The following TMEM45B variants were observed in gnomAD, a reference collection of about 807,000 sequenced individuals.
TMEM45B encodes the protein transmembrane protein 45B.
Under a neutral mutation model 27.3 loss-of-function variants are expected in TMEM45B, and 29 were observed. That is an observed-to-expected ratio of 1.06 (90% CI 0.79 to 1.45). The LOEUF (loss-of-function observed/expected upper bound fraction) is 1.45, where lower values mean the gene tolerates loss of function less well. Ranked by LOEUF, TMEM45B falls within the 40% of genes most tolerant of loss-of-function variation. TMEM45B has a pLI of 0.00. For missense variants in TMEM45B, 348 were observed against 343.9 expected (o/e 1.01, Z -0.09); for synonymous variants, 143 against 134.7 (o/e 1.06, Z -0.43).
chr11:129,829,965 G>A (rs750446050), intron 1 of TMEM45B, among the ~76,000 whole-genome samples: 5 of 152,188 alleles, frequency 3.3e-5, no homozygotes, highest in Non-Finnish European at 7.3e-5. Flanking sequence ...AAATGGCTGG[G>A]ACACTTGGAT....
chr11:129,830,065 TCA>T (rs1366528852), intron 1 of TMEM45B, among the ~76,000 whole-genome samples: 2 of 152,260 alleles, frequency 1.3e-5, no homozygotes, highest in Non-Finnish European at 2.9e-5. Context: ...GTGCAGTGGT[TCA>T]CACCTGTAAT....
chr11:129,845,279 G>C (rs1399641595), intron 1 of TMEM45B, among the ~76,000 whole-genome samples: 1 of 145,630 alleles, frequency 6.9e-6, no homozygotes, highest in Non-Finnish European at 1.5e-5. Flanking sequence ...GTATGTGTGT[G>C]TGTGTGTGTG....
rs1048088149 is a variant in TMEM45B, at chr11:129,859,251, G to T, written c.*566G>T. The T allele has an allele frequency of 6.6e-6, 1 of 152,042 alleles. No homozygotes were observed. Among genetic ancestry groups the T allele is most frequent in the East Asian group, 1.9e-4 (1 of 5,198 alleles). The allele number at this position is 152,042 out of a possible 1,614,324, so 9.4% of individuals were successfully genotyped here. ...ACATATCATAACTAATCATACCAGG[G>T]TACTGCAATACCACTGTTTATAAGT... On this transcript the variant is annotated 3_prime_UTR_variant, in exon 6 of 6. Transcript: ENST00000281441.
At chr11:129,845,337 A>ATTGTGTGTG (rs1555071917) in intron 1 of TMEM45B, among the ~76,000 whole-genome samples, 1 of 121,462 alleles carries the variant, frequency 8.2e-6, no homozygotes, top group African/African-American at 3.4e-5. Context: ...GCTATTATAG[A>ATTGTGTGTG]TGTGTGTGTG....
chr11:129,857,229 C>T (rs1947941706), intron 4 of TMEM45B, 84 bp from the exon 5 acceptor site: 1 of 1,534,678 alleles, frequency 6.5e-7, no homozygotes, highest in East Asian at 2.3e-5. Context: ...CACACATGGG[C>T]CACTTCGGTG....
At chr11:129,841,035 G>C (rs1947685463) in intron 1 of TMEM45B, among the ~76,000 whole-genome samples, 1 of 149,630 alleles carries the variant, frequency 6.7e-6, no homozygotes, top group Non-Finnish European at 1.5e-5. Context: ...AGCATTTCAG[G>C]GAACTGGAAA....
intron 1 of TMEM45B, among the ~76,000 whole-genome samples, chr11:129,817,698 G>A (rs571752285): frequency 1.3e-3 from 200 of 152,178 alleles, no homozygotes; most frequent in Middle Eastern, 0.01. Context: ...GTTGATGTTG[G>A]TTGTGATGGT....
intron 1 of TMEM45B, among the ~76,000 whole-genome samples, chr11:129,837,585 C>CCTTTTTT (rs1947636610): frequency 1.2e-5 from 1 of 80,294 alleles, no homozygotes; most frequent in African/African-American, 4.3e-5. Flanking sequence ...CTGCACTGGG[C>CCTTTTTT]TTTTTTTTTT....
chr11:129,835,229 T>G (rs1305657198), intron 1 of TMEM45B, among the ~76,000 whole-genome samples: 3 of 152,206 alleles, frequency 2.0e-5, no homozygotes, highest in Non-Finnish European at 2.9e-5. Context: ...CTACAAAAAG[T>G]GTGAAAGCAC....
intron 1 of TMEM45B, among the ~76,000 whole-genome samples, chr11:129,850,841 G>A (rs1457338029): frequency 1.3e-5 from 2 of 152,028 alleles, no homozygotes; most frequent in South Asian, 2.1e-4. Context: ...TTAGTGCTCC[G>A]TTCATGGCAA....
At position 129,859,257 on chromosome 11, in the gene TMEM45B, C is replaced by CAA. The variant is rs957092326; in HGVS notation, c.*573_*574dup. 6.6e-6 allele frequency: 1 copy of CAA among 152,088 alleles called. No homozygotes were observed. The highest frequency in any genetic ancestry group is 2.4e-5 in the African/African-American group (1 of 41,412). The allele number at this position is 152,088 out of a possible 1,614,324, so 9.4% of individuals were successfully genotyped here. A position where few individuals can be genotyped will look rare whatever the true frequency, so the allele number is the denominator to read the frequency against. On this transcript the variant is annotated 3_prime_UTR_variant, in exon 6 of 6. Transcript: ENST00000281441. ...CATAACTAATCATACCAGGGTACTG[C>CAA]AATACCACTGTTTATAAGTGACAAA...
At position 129,823,536 on chromosome 11, in the gene TMEM45B, G is replaced by C. The variant is rs182034398; in HGVS notation, c.-9+7638G>C. On this transcript the variant is annotated intron_variant, in intron 1 of 5. Transcript: ENST00000281441. Reference sequence around the variant, plus strand: ...TATGCATAACAGGTACTTGATAAATGTTAGTTGACTTAAATTGACCCTATT... The same window carrying C: ...TATGCATAACAGGTACTTGATAAATCTTAGTTGACTTAAATTGACCCTATT... 3.3e-3 allele frequency among the ~76,000 whole-genome samples: 510 copies of C among 152,310 alleles called. 5 individuals carry two copies. The highest frequency in any genetic ancestry group is 0.012 in the African/African-American group (482 of 41,554).
chr11:129,852,441 T>C (rs1012703912), intron 1 of TMEM45B, 34 bp from the exon 2 acceptor site: 1 of 1,554,094 alleles, frequency 6.4e-7, no homozygotes, highest in African/African-American at 1.4e-5. Flanking sequence ...GCTTGCTTCA[T>C]TAGCCACCTA....
At chr11:129,835,787 G>A (rs1162831669) in intron 1 of TMEM45B, among the ~76,000 whole-genome samples, 1 of 152,206 alleles carries the variant, frequency 6.6e-6, no homozygotes, top group Non-Finnish European at 1.5e-5. Flanking sequence ...TGTGGACCCA[G>A]ACAACAGAAC....
intron 1 of TMEM45B, among the ~76,000 whole-genome samples, chr11:129,848,396 C>G (rs2248097): frequency 0.72 from 106,988 of 148,746 alleles, 37,755 homozygotes; most frequent in African/African-American, 0.78. Flanking sequence ...GCCTGCAATC[C>G]CAGGCACTCG....
chr11:129,827,551 C>T (rs1591436231), intron 1 of TMEM45B, among the ~76,000 whole-genome samples: 1 of 152,266 alleles, frequency 6.6e-6, no homozygotes, highest in African/African-American at 2.4e-5. Context: ...CACCTATAAT[C>T]CCAGCACTTT....
chr11:129,837,220 T>C (rs939706934), intron 1 of TMEM45B, among the ~76,000 whole-genome samples: 1 of 152,032 alleles, frequency 6.6e-6, no homozygotes, highest in Non-Finnish European at 1.5e-5. Context: ...CAGCCCGGGC[T>C]GGTCTCTACC....
intron 1 of TMEM45B, among the ~76,000 whole-genome samples, chr11:129,822,172 C>A (rs893332035): frequency 6.6e-6 from 1 of 152,062 alleles, no homozygotes; most frequent in African/African-American, 2.4e-5. Context: ...CTTTTATTGG[C>A]GAGAGGTGTG....
At chr11:129,851,499 G>A (rs185677225) in intron 1 of TMEM45B, among the ~76,000 whole-genome samples, 2,234 of 126,960 alleles carry the variant, frequency 0.018, 67 homozygotes, top group African/African-American at 0.064. Flanking sequence ...AGCCAAGATC[G>A]TGCCACTGCA....
Sources: allele counts gnomAD v4.1 joint callset (sites outside exome capture counted in the v4.1 genomes callset), GRCh38; gene constraint gnomAD v4.1.1; transcripts MANE v1.5; gene names NCBI Gene and HGNC (gene_info 2026-07-23, HGNC 2026-07-21).